PRLR: variants seen among roughly 807,000 people sequenced by gnomAD.
The protein encoded by PRLR is prolactin receptor.
In PRLR, 13 loss-of-function variants were observed where a neutral mutation model predicts 40.2. The observed-to-expected ratio is 0.32, with a 90% CI of 0.21 to 0.51. The LOEUF is 0.51. PRLR is among the 20% of genes least tolerant of loss of function. The pLI is 0.97. For synonymous variants in PRLR, 269 were observed against 278.7 expected, an observed-to-expected ratio of 0.97 and a Z score of 0.35; for missense variants, 656 against 747.3, an observed-to-expected ratio of 0.88 and a Z score of 1.42.
intron 1 of PRLR, among the ~76,000 whole-genome samples, chr5:35,126,766 A>T (rs1027389256): frequency 6.6e-6 from 1 of 152,248 alleles, no homozygotes; most frequent in South Asian, 2.1e-4. Context: ...GGAAATAGCA[A>T]GTAATTAATA....
chr5:35,070,393 C>T (rs1769672594), intron 6 of PRLR, 128 bp from the exon 7 acceptor site: 3 of 1,012,236 alleles, frequency 3.0e-6, no homozygotes, highest in Admixed American at 4.9e-5. Flanking sequence ...TGTCACTACT[C>T]CACTGTCTTA....
At chr5:35,180,616 A>G (rs1352828271) in intron 1 of PRLR, among the ~76,000 whole-genome samples, 1 of 151,520 alleles carries the variant, frequency 6.6e-6, no homozygotes, top group African/African-American at 2.4e-5. Flanking sequence ...TTTAAATTCT[A>G]GGGTACATCT....
At chr5:35,222,001 G>C (rs969751971) in intron 1 of PRLR, among the ~76,000 whole-genome samples, 3 of 152,088 alleles carry the variant, frequency 2.0e-5, no homozygotes, top group African/African-American at 7.2e-5. Flanking sequence ...ACATATAAAG[G>C]ATTCTTTAAA....
At position 35,086,214 on chromosome 5, in the gene PRLR, C is replaced by T; in HGVS notation, c.197G>A (p.Arg66Lys). The change falls in exon 4 of 10, where the codon AGG (arginine) becomes AAG (lysine). Residue 66 changes from arginine (R) to lysine (K), a missense_variant. Physicochemically the swap from Arg to Lys is conservative, Grantham distance 26 (BLOSUM62 2). Coordinates refer to ENST00000618457, the MANE Select transcript of PRLR (RefSeq NM_000949.7). The stretch of plus-strand genomic sequence containing the variant: ...AGAGAAGGGAACTTCTTACCCTTCC[C>T]TGTGGTAAGTCAGTGAATAATTGGT... ...LPTNYSLTYH[R>K]EGETLMHECP... is the part of the protein sequence containing the mutation. The T allele has an allele frequency of 1.9e-6, 3 of 1,613,886 alleles. No homozygotes were observed. The highest frequency in any genetic ancestry group is 2.5e-6 in the Non-Finnish European group (3 of 1,179,900).
At position 35,056,208 on chromosome 5, in the gene PRLR, G is replaced by C. The variant is rs1768705812; in HGVS notation, c.*8881C>G. On this transcript the variant is annotated 3_prime_UTR_variant, in exon 10 of 10. Coordinates refer to ENST00000618457, the MANE Select transcript of PRLR (RefSeq NM_000949.7). ...AGCAGGAATTGAGGGGTGGTGTGGG[G>C]GACAGTGGAGGAGATGTAAATACAA... 6.6e-6 allele frequency: 1 copy of C among 152,128 alleles called. No individual in the cohort carries two copies. Among genetic ancestry groups the C allele is most frequent in the South Asian group, 2.1e-4 (1 of 4,822 alleles). The allele number at this position is 152,128 out of a possible 1,614,324, so 9.4% of individuals were successfully genotyped here. A position where few individuals can be genotyped will look rare whatever the true frequency, so the allele number is the denominator to read the frequency against.
rs2112344573 is a variant in PRLR at position 35,059,437 on chromosome 5, A to G, written c.*5652T>C. 6.6e-6 allele frequency: 1 copy of G among 152,106 alleles called. No homozygotes were observed. Among genetic ancestry groups the G allele is most frequent in the East Asian group, 1.9e-4 (1 of 5,182 alleles). The allele number at this position is 152,106 out of a possible 1,614,324, so 9.4% of individuals were successfully genotyped here. On this transcript the variant is annotated 3_prime_UTR_variant, in exon 10 of 10. Coordinates refer to ENST00000618457, the MANE Select transcript of PRLR (RefSeq NM_000949.7). ...GCATGATAGTGTTTGTGAATTATGT[A>G]CCTCTCTTAGACATAAACTCTTAGA... is the stretch of plus-strand genomic sequence containing the variant.
At position 35,204,930 on chromosome 5, in the gene PRLR, T is replaced by C. The variant is rs182630585; in HGVS notation, c.-106+25338A>G. Among the ~76,000 whole-genome samples, 39 of 152,228 alleles carry C rather than the reference T, an allele frequency of 2.6e-4. 2 individuals are homozygous for C. The highest frequency in any genetic ancestry group is 8.4e-4 in the African/African-American group (35 of 41,556). On this transcript the variant is annotated intron_variant, in intron 1 of 9. Coordinates refer to ENST00000618457, the MANE Select transcript of PRLR (RefSeq NM_000949.7). ...CACCCTTTGAAGAAAGTGACACAAA[T>C]ATAATAAGTTTCCTGACACCCTTCT...
chr5:35,083,947 A>G (rs1400744517), intron 5 of PRLR, among the ~76,000 whole-genome samples: 1 of 152,154 alleles, frequency 6.6e-6, no homozygotes, highest in Non-Finnish European at 1.5e-5. Flanking sequence ...AATGATGTAT[A>G]TATATATATA....
intron 1 of PRLR, among the ~76,000 whole-genome samples, chr5:35,218,451 A>G (rs1341727970): frequency 2.0e-5 from 3 of 152,218 alleles, no homozygotes; most frequent in Non-Finnish European, 4.4e-5. Flanking sequence ...CATCACAATT[A>G]CTGTCTTTAT....
intron 1 of PRLR, among the ~76,000 whole-genome samples, chr5:35,170,309 C>T (rs1423153850): frequency 6.6e-6 from 1 of 152,122 alleles, no homozygotes; most frequent in Non-Finnish European, 1.5e-5. Flanking sequence ...ATGCCTTAAG[C>T]AAAGGGGGCC....
chr5:35,107,741 AC>A (rs1772363209), intron 2 of PRLR, among the ~76,000 whole-genome samples: 1 of 152,192 alleles, frequency 6.6e-6, no homozygotes. Flanking sequence ...TTAATAGCCT[AC>A]CAAGCAAAAA....
intron 1 of PRLR, among the ~76,000 whole-genome samples, chr5:35,184,664 A>G (rs1161315062): frequency 6.6e-6 from 1 of 152,154 alleles, no homozygotes; most frequent in Admixed American, 6.5e-5. Context: ...TGTAAGGTCA[A>G]CTCTGCCTGT....
intron 1 of PRLR, among the ~76,000 whole-genome samples, chr5:35,149,128 A>G (rs971025235): frequency 3.5e-4 from 54 of 152,274 alleles, no homozygotes; most frequent in African/African-American, 1.2e-3. Flanking sequence ...AATTCTTGGA[A>G]ATCAAAATGT....
At chr5:35,166,495 A>G (rs1252614939) in intron 1 of PRLR, among the ~76,000 whole-genome samples, 3 of 152,030 alleles carry the variant, frequency 2.0e-5, no homozygotes, top group Non-Finnish European at 4.4e-5. Context: ...TCTTACATCC[A>G]TTTAGATTTG....
Position 35,169,386 on chromosome 5 carries a change from T to C in PRLR, c.-105-51264A>G, listed in dbSNP as rs527986369. ...ATAATAGTTAGGTCAAAATGAAATA[T>C]GATTAATTTCTGCATTCTAACTCTG... On this transcript the variant is annotated intron_variant, in intron 1 of 9. Coordinates refer to ENST00000618457, the MANE Select transcript of PRLR (RefSeq NM_000949.7). Among the ~76,000 whole-genome samples, 16 of 152,328 alleles carry C rather than the reference T, an allele frequency of 1.1e-4. No homozygotes were observed. In the South Asian group the frequency reaches 3.1e-3, roughly 30 times the overall value.
intron 5 of PRLR, 22 bp downstream of exon 5, chr5:35,084,448 C>T (rs764754404): frequency 8.1e-5 from 124 of 1,534,052 alleles, no homozygotes; most frequent in Non-Finnish European, 1.0e-4. Flanking sequence ...AGAAATTCCT[C>T]ACCCACTTTC....
intron 5 of PRLR, among the ~76,000 whole-genome samples, chr5:35,077,523 A>G (rs1371538681): frequency 1.4e-5 from 2 of 144,466 alleles, no homozygotes; most frequent in East Asian, 4.0e-4. Flanking sequence ...ATATGTTTGC[A>G]CCCAATACAG....
At position 35,065,337 on chromosome 5, in the gene PRLR, C is replaced by A. The variant is rs1270927467; in HGVS notation, c.1621G>T (p.Glu541Ter). The A allele has an allele frequency of 6.2e-7, 1 of 1,614,062 alleles. No individual in the cohort carries two copies. The highest frequency in any genetic ancestry group is 1.3e-5 in the African/African-American group (1 of 74,918). ...SGKPKKPGTP[E>*]NNKEYAKVSG... ...ACCTTGGCATACTCCTTATTGTTCT[C>A]AGGAGTCCCGGGCTTCTTGGGCTTG... The change falls in exon 10 of 10, where the codon GAG becomes TAG. Residue 541 changes from glutamate (E) to a stop codon, truncating the protein, a stop_gained. Transcript: ENST00000618457. LOFTEE classifies it low-confidence loss of function (END_TRUNC).
chr5:35,159,125 C>T lies in PRLR; in HGVS notation c.-105-41003G>A, dbSNP rs531522096. ...GTTCTACAGCATGGAAAAAGCAATA[C>T]GAATCAGGGTTCCTGACCTCATGGA... On this transcript the variant is annotated intron_variant, in intron 1 of 9. Transcript: ENST00000618457. Among the ~76,000 whole-genome samples the T allele has an allele frequency of 5.3e-5, 8 of 152,104 alleles. No individual in the cohort carries two copies. The South Asian group carries it at 1.7e-3, about 32-fold the overall frequency.
Sources: allele counts gnomAD v4.1 joint callset (sites outside exome capture counted in the v4.1 genomes callset), GRCh38; gene constraint gnomAD v4.1.1; transcripts MANE v1.5; gene names NCBI Gene and HGNC (gene_info 2026-07-23, HGNC 2026-07-21).